Variants in CYB5R4 observed in about 807,000 individuals in gnomAD.
CYB5R4 encodes N-terminal cytochrome b5 and cytochrome b5 oxidoreductase domain-containing protein.
A neutral mutation model predicts 70.2 loss-of-function variants in CYB5R4; 55 were observed. That is an observed-to-expected ratio of 0.78 (90% CI 0.63 to 0.98). The LOEUF (loss-of-function observed/expected upper bound fraction) is 0.98, where lower values mean the gene tolerates loss of function less well. Ranked by LOEUF, CYB5R4 falls within the 50% of genes least tolerant of loss-of-function variation. The pLI is 0.00. For missense variants in CYB5R4, 562 were observed against 612.6 expected (o/e 0.92, Z 0.87); for synonymous variants, 197 against 199.5 (o/e 0.99, Z 0.11).
In CYB5R4 at chr6:83,919,375, TC is replaced by T. The variant is rs562249088; in HGVS notation, c.507-20del. 65 of 1,322,374 alleles carry T rather than the reference TC, an allele frequency of 4.9e-5. No individual in the cohort carries two copies. In the Middle Eastern group the frequency reaches 1.1e-3, roughly 22 times the overall value. The allele number at this position is 1,322,374 out of a possible 1,614,324, so 81.9% of individuals were successfully genotyped here. A position where few individuals can be genotyped will look rare whatever the true frequency, so the allele number is the denominator to read the frequency against. ...ACATGATTGTCAATATAATTATTCA[TC>T]CTTTTATTTATATTTTACAGCTATG... On this transcript the variant is annotated intron_variant, in intron 6 of 15. Coordinates refer to ENST00000369681, the MANE Select transcript of CYB5R4 (RefSeq NM_016230.4).
chr6:83,908,902 G>A, intron 3 of CYB5R4, 107 bp from the exon 4 acceptor site: 1 of 763,438 alleles, frequency 1.3e-6, no homozygotes, highest in Non-Finnish European at 2.3e-6. Flanking sequence ...TAGTTTTTAG[G>A]TGTGTGTTGA....
chr6:83,897,612 A>G (rs1287556527), intron 3 of CYB5R4, among the ~76,000 whole-genome samples: 1 of 152,092 alleles, frequency 6.6e-6, no homozygotes, highest in Non-Finnish European at 1.5e-5. Flanking sequence ...ATGGTATCTC[A>G]TTGTGGTTTT....
intron 3 of CYB5R4, among the ~76,000 whole-genome samples, chr6:83,896,524 C>T (rs2099461928): frequency 6.6e-6 from 1 of 152,162 alleles, no homozygotes; most frequent in Non-Finnish European, 1.5e-5. Context: ...CAGTATTTGT[C>T]TTTCTGTGTC....
intron 2 of CYB5R4, among the ~76,000 whole-genome samples, chr6:83,887,135 A>G (rs573567731): frequency 4.5e-4 from 69 of 152,292 alleles, no homozygotes; most frequent in Non-Finnish European, 8.4e-4. Flanking sequence ...TAAAAAGGCA[A>G]TATTCGTTTT....
At position 83,868,793 on chromosome 6, in the gene CYB5R4, AATATG is replaced by A. The variant is rs367861514; in HGVS notation, c.229+4471_229+4475del. ...GCCTAGATCAGACTGTTTTTACTGTAATATGATATGTTTTATTGTAGTACAGTCAG... is the reference window on the plus strand; with the variant it reads ...GCCTAGATCAGACTGTTTTTACTGTAATATGTTTTATTGTAGTACAGTCAG... On this transcript the variant is annotated intron_variant, in intron 2 of 15. Coordinates refer to ENST00000369681, the MANE Select transcript of CYB5R4 (RefSeq NM_016230.4). 2.7e-4 allele frequency among the ~76,000 whole-genome samples: 41 copies of A among 152,334 alleles called. No homozygotes were observed. In the East Asian group the frequency reaches 5.2e-3, roughly 19 times the overall value.
At chr6:83,892,441 CGTT>C (rs1436390783) in intron 2 of CYB5R4, among the ~76,000 whole-genome samples, 1 of 151,950 alleles carries the variant, frequency 6.6e-6, no homozygotes, top group East Asian at 1.9e-4. Context: ...AAAAACCAGT[CGTT>C]GTTATTGCAC....
chr6:83,938,278 C>T (rs6914421), intron 12 of CYB5R4, among the ~76,000 whole-genome samples: 6,343 of 152,150 alleles, frequency 0.042, 453 homozygotes, highest in African/African-American at 0.14. Flanking sequence ...AGCCTATTTA[C>T]GGAGATTTTT....
intron 2 of CYB5R4, among the ~76,000 whole-genome samples, chr6:83,891,681 G>T (rs147096039): frequency 1.3e-5 from 2 of 151,922 alleles, no homozygotes; most frequent in South Asian, 2.1e-4. Flanking sequence ...AGTTTTTTTC[G>T]TCTGGAAAGC....
At chr6:83,891,271 G>A (rs980650766) in intron 2 of CYB5R4, among the ~76,000 whole-genome samples, 3 of 152,174 alleles carry the variant, frequency 2.0e-5, no homozygotes, top group Non-Finnish European at 1.5e-5. Flanking sequence ...ATATGCACTG[G>A]GAAACCAAAA....
chr6:83,893,838 G>T (rs1174557809), intron 3 of CYB5R4, among the ~76,000 whole-genome samples: 1 of 152,108 alleles, frequency 6.6e-6, no homozygotes, highest in Non-Finnish European at 1.5e-5. Flanking sequence ...TGCGACTAGG[G>T]GTCTTCTTTT....
chr6:83,898,814 T>C (rs2099462371), intron 3 of CYB5R4, among the ~76,000 whole-genome samples: 1 of 152,198 alleles, frequency 6.6e-6, no homozygotes, highest in Non-Finnish European at 1.5e-5. Flanking sequence ...ACATTGATTT[T>C]GTATCCTGAG....
intron 3 of CYB5R4, among the ~76,000 whole-genome samples, chr6:83,901,823 T>C (rs1446861319): frequency 6.6e-6 from 1 of 152,128 alleles, no homozygotes; most frequent in Non-Finnish European, 1.5e-5. Context: ...TCATCAACTA[T>C]TTGTCATCTT....
intron 1 of CYB5R4, among the ~76,000 whole-genome samples, 160 bp downstream of exon 1, chr6:83,860,017 A>G (rs1158506064): frequency 1.3e-5 from 2 of 152,204 alleles, no homozygotes; most frequent in East Asian, 1.9e-4. Context: ...CTTTGTCTAC[A>G]GTCCCTAAAC....
intron 2 of CYB5R4, among the ~76,000 whole-genome samples, chr6:83,874,723 A>C (rs1176828658): frequency 1.3e-5 from 2 of 151,722 alleles, no homozygotes; most frequent in African/African-American, 4.8e-5. Flanking sequence ...TTCTTCCCCA[A>C]GGCTTTCTTC....
At chr6:83,879,531 C>T (rs1233916758) in intron 2 of CYB5R4, among the ~76,000 whole-genome samples, 1 of 152,086 alleles carries the variant, frequency 6.6e-6, no homozygotes, top group East Asian at 1.9e-4. Flanking sequence ...GCTTTTGCCT[C>T]CAGATAGGAT....
intron 4 of CYB5R4, among the ~76,000 whole-genome samples, chr6:83,910,552 C>G (rs2099464522): frequency 6.6e-6 from 1 of 152,158 alleles, no homozygotes; most frequent in Admixed American, 6.5e-5. Flanking sequence ...GGGGCAGATG[C>G]AGACCTAAAC....
Position 83,955,611 on chromosome 6 carries a change from A to G in CYB5R4, c.1511+149A>G, listed in dbSNP as rs2099472207. 3 of 787,264 alleles carry G rather than the reference A, an allele frequency of 3.8e-6. No homozygotes were observed. In the East Asian group the frequency reaches 8.7e-5, roughly 23 times the overall value. 48.8% of individuals were successfully genotyped at this position (787,264 alleles called of 1,614,324 possible). A position where few individuals can be genotyped will look rare whatever the true frequency, so the allele number is the denominator to read the frequency against. On this transcript the variant is annotated intron_variant, in intron 15 of 15. Coordinates refer to ENST00000369681, the MANE Select transcript of CYB5R4 (RefSeq NM_016230.4). ...AATAACAAAGTCTTTAAATCTTCGT[A>G]TAGTTTGAGTTGGAGGCCAGGATTA... is the stretch of plus-strand genomic sequence containing the variant.
chr6:83,953,677 A>C (rs1050752524), intron 14 of CYB5R4, among the ~76,000 whole-genome samples: 1 of 152,116 alleles, frequency 6.6e-6, no homozygotes, highest in Non-Finnish European at 1.5e-5. Flanking sequence ...TTTAGATGAG[A>C]TATAAGAACC....
chr6:83,921,041 A>G, intron 7 of CYB5R4, 41 bp from the exon 8 acceptor site: 1 of 1,387,188 alleles, frequency 7.2e-7, no homozygotes, highest in Non-Finnish European at 9.6e-7. Flanking sequence ...TTGGGGGAAA[A>G]TTTTACTTTC....
Sources: allele counts gnomAD v4.1 joint callset (sites outside exome capture counted in the v4.1 genomes callset), GRCh38; gene constraint gnomAD v4.1.1; transcripts MANE v1.5; gene names NCBI Gene and HGNC (gene_info 2026-07-23, HGNC 2026-07-21).